PLXDC2: variants seen among roughly 807,000 people sequenced by gnomAD.
PLXDC2 encodes the protein plexin domain-containing protein 2.
PLXDC2 carries 40 observed loss-of-function variants against 68.9 expected under a neutral mutation model. That is an observed-to-expected ratio of 0.58 (90% CI 0.45 to 0.76). The LOEUF (loss-of-function observed/expected upper bound fraction) is 0.76, where lower values mean the gene tolerates loss of function less well. PLXDC2 is among the 30% of genes least tolerant of loss of function. PLXDC2 has a pLI of 0.00. For synonymous variants in PLXDC2, 243 were observed against 234.2 expected, an observed-to-expected ratio of 1.04 and a Z score of -0.34; for missense variants, 644 against 661.9, an observed-to-expected ratio of 0.97 and a Z score of 0.30.
In PLXDC2 at chr10:20,212,253, C is replaced by A. The variant is rs145937129; in HGVS notation, c.1122+524C>A. Among the ~76,000 whole-genome samples the A allele has an allele frequency of 5.5e-4, 84 of 152,048 alleles. 1 individual carries two copies. In the East Asian group the frequency reaches 0.016, roughly 29 times the overall value. ...CTCTTTGTAATTCAAACAGCAAGAC[C>A]AGTGGTATTGTGGAGGGTGGAAGAC... On this transcript the variant is annotated intron_variant, in intron 10 of 13. Coordinates refer to ENST00000377252, the MANE Select transcript of PLXDC2 (RefSeq NM_032812.9).
At chr10:20,212,013 A>G (rs1289831271) in intron 10 of PLXDC2, among the ~76,000 whole-genome samples, 1 of 151,920 alleles carries the variant, frequency 6.6e-6, no homozygotes, top group East Asian at 1.9e-4. Flanking sequence ...TCATTGTCAT[A>G]TTCATTCTAT....
At chr10:20,089,232 G>T (rs1031819492) in intron 4 of PLXDC2, among the ~76,000 whole-genome samples, 1 of 151,028 alleles carries the variant, frequency 6.6e-6, no homozygotes, top group East Asian at 1.9e-4. Flanking sequence ...ACAATGTAGA[G>T]ATGTTAGCAA....
intron 10 of PLXDC2, among the ~76,000 whole-genome samples, chr10:20,212,945 A>G (rs2358866): frequency 0.66 from 99,818 of 151,954 alleles, 36,535 homozygotes; most frequent in Non-Finnish European, 0.83. Flanking sequence ...ATCTCCATAT[A>G]TGTAAAGATT....
At chr10:20,171,931 C>A (rs543376222) in intron 7 of PLXDC2, among the ~76,000 whole-genome samples, 2 of 152,074 alleles carry the variant, frequency 1.3e-5, no homozygotes, top group Admixed American at 6.5e-5. Flanking sequence ...AAGAAAGACA[C>A]TGGAGACTGG....
intron 12 of PLXDC2, among the ~76,000 whole-genome samples, chr10:20,239,322 G>A (rs1038863485): frequency 1.3e-5 from 2 of 152,112 alleles, no homozygotes; most frequent in Non-Finnish European, 2.9e-5. Context: ...ACTCTGATGA[G>A]CTTTGTATTA....
intron 1 of PLXDC2, among the ~76,000 whole-genome samples, chr10:19,932,715 A>G (rs963205247): frequency 2.0e-5 from 3 of 151,972 alleles, no homozygotes; most frequent in African/African-American, 7.2e-5. Context: ...TGGAGGTTTT[A>G]GTTGCAGAAG....
At chr10:19,859,050 G>A (rs1042706764) in intron 1 of PLXDC2, among the ~76,000 whole-genome samples, 2 of 151,528 alleles carry the variant, frequency 1.3e-5, no homozygotes, top group Admixed American at 6.6e-5. Flanking sequence ...GAGAGAGAGC[G>A]AGGGAGAGAG....
At chr10:19,827,564 C>CTT (rs57646240) in intron 1 of PLXDC2, among the ~76,000 whole-genome samples, 2 of 145,910 alleles carry the variant, frequency 1.4e-5, no homozygotes, top group Non-Finnish European at 1.5e-5. Context: ...TTTTCTTTTT[C>CTT]TTTTTTTTTT....
chr10:20,204,707 GTT>G (rs1395768610), intron 9 of PLXDC2, among the ~76,000 whole-genome samples: 1 of 152,138 alleles, frequency 6.6e-6, no homozygotes, highest in South Asian at 2.1e-4. Context: ...GTTTTATAAA[GTT>G]TGACTGGCAC....
At chr10:19,859,866 G>T (rs1370810811) in intron 1 of PLXDC2, among the ~76,000 whole-genome samples, 4 of 151,922 alleles carry the variant, frequency 2.6e-5, no homozygotes, top group African/African-American at 9.7e-5. Context: ...CAAGTAGCTG[G>T]GATTACAGGT....
chr10:19,907,818 G>T (rs563762294), intron 1 of PLXDC2, among the ~76,000 whole-genome samples: 1 of 152,238 alleles, frequency 6.6e-6, no homozygotes, highest in South Asian at 2.1e-4. Context: ...ATAACAGACT[G>T]TTCCCTCCTT....
chr10:19,829,744 A>G (rs1012299843), intron 1 of PLXDC2, among the ~76,000 whole-genome samples: 1 of 152,150 alleles, frequency 6.6e-6, no homozygotes, highest in African/African-American at 2.4e-5. Flanking sequence ...AAAAATTTAA[A>G]AAAAAAGTCA....
chr10:20,221,664 A>T (rs2131867876), intron 12 of PLXDC2, among the ~76,000 whole-genome samples: 1 of 152,316 alleles, frequency 6.6e-6, no homozygotes, highest in Middle Eastern at 3.4e-3. Flanking sequence ...AGATGCAGGA[A>T]GGATTACCAA....
intron 4 of PLXDC2, among the ~76,000 whole-genome samples, chr10:20,081,200 C>T (rs557850779): frequency 1.3e-5 from 2 of 152,236 alleles, no homozygotes; most frequent in East Asian, 3.9e-4. Flanking sequence ...GTCTCCTAGG[C>T]TCACATGAGG....
chr10:20,254,368 A>C (rs1339006016), intron 13 of PLXDC2, among the ~76,000 whole-genome samples: 1 of 152,166 alleles, frequency 6.6e-6, no homozygotes, highest in African/African-American at 2.4e-5. Context: ...CAGCTGCTGG[A>C]TGGATTGCAC....
At chr10:20,021,859 C>T (rs1835315904) in intron 2 of PLXDC2, among the ~76,000 whole-genome samples, 1 of 151,980 alleles carries the variant, frequency 6.6e-6, no homozygotes, top group Non-Finnish European at 1.5e-5. Context: ...CCACCAGGCC[C>T]AGCTAATTTT....
At chr10:20,222,452 A>G (rs943794337) in intron 12 of PLXDC2, among the ~76,000 whole-genome samples, 2 of 152,198 alleles carry the variant, frequency 1.3e-5, no homozygotes, top group African/African-American at 4.8e-5. Flanking sequence ...TTGTGCAGTG[A>G]GTTTCCTGAT....
intron 4 of PLXDC2, chr10:20,070,707 A>G (rs988204720): frequency 6.6e-6 from 1 of 152,218 alleles, no homozygotes; most frequent in Non-Finnish European, 1.5e-5. Context: ...TCTGAAATTT[A>G]GGTGAACAGT....
chr10:20,215,672 A>G (rs1835126483), intron 10 of PLXDC2, among the ~76,000 whole-genome samples: 3 of 152,150 alleles, frequency 2.0e-5, no homozygotes, highest in Non-Finnish European at 2.9e-5. Context: ...GAGCTAGGAC[A>G]TAGGTAGAAA....
Sources: allele counts gnomAD v4.1 joint callset (sites outside exome capture counted in the v4.1 genomes callset), GRCh38; gene constraint gnomAD v4.1.1; transcripts MANE v1.5; gene names NCBI Gene and HGNC (gene_info 2026-07-23, HGNC 2026-07-21).